LUZP2: variants seen among roughly 807,000 people sequenced by gnomAD.
LUZP2 encodes leucine zipper protein 2.
LUZP2 carries 52 observed loss-of-function variants against 51.6 expected under a neutral mutation model. The observed-to-expected ratio is 1.01, with a 90% CI of 0.81 to 1.27. The LOEUF is 1.27. LUZP2 is among the 50% of genes most tolerant of loss of function. The pLI is 0.00. For missense variants in LUZP2, 436 were observed against 395.4 expected (o/e 1.10, Z -0.87); for synonymous variants, 154 against 137.3 (o/e 1.12, Z -0.85).
intron 7 of LUZP2, among the ~76,000 whole-genome samples, chr11:24,964,292 G>A (rs192933844): frequency 1.3e-3 from 200 of 152,224 alleles, no homozygotes; most frequent in African/African-American, 4.7e-3. Context: ...GGTGGTGATT[G>A]TTTTATATAA....
At chr11:24,565,013 T>C (rs1852168389) in intron 1 of LUZP2, among the ~76,000 whole-genome samples, 1 of 151,946 alleles carries the variant, frequency 6.6e-6, no homozygotes, top group Non-Finnish European at 1.5e-5. Context: ...AGGCATGGAG[T>C]AATTAATGGG....
chr11:24,724,651 C>T (rs1026047211), intron 1 of LUZP2, among the ~76,000 whole-genome samples: 2 of 152,162 alleles, frequency 1.3e-5, no homozygotes, highest in African/African-American at 4.8e-5. Flanking sequence ...CTCTATTCGA[C>T]ATTGTTTTGA....
chr11:24,814,236 A>G (rs1850106387), intron 5 of LUZP2, among the ~76,000 whole-genome samples: 1 of 152,184 alleles, frequency 6.6e-6, no homozygotes. Flanking sequence ...GAAGTTGTTT[A>G]TGTGTCTGCC....
intron 9 of LUZP2, among the ~76,000 whole-genome samples, chr11:24,990,197 A>T (rs1045630668): frequency 2.0e-5 from 3 of 152,130 alleles, no homozygotes; most frequent in East Asian, 1.9e-4. Context: ...GAGGTAGTTC[A>T]GGTTGCTTAT....
chr11:24,562,697 T>TATA (rs1167556138), intron 1 of LUZP2, among the ~76,000 whole-genome samples: 8 of 76,398 alleles, frequency 1.0e-4, no homozygotes, highest in African/African-American at 4.4e-4. Flanking sequence ...ACTGAAAAAA[T>TATA]ACAAAAAAAA....
At chr11:24,825,656 T>C (rs1850502733) in intron 5 of LUZP2, among the ~76,000 whole-genome samples, 1 of 152,156 alleles carries the variant, frequency 6.6e-6, no homozygotes, top group Admixed American at 6.5e-5. Context: ...ACTATAAATT[T>C]GTCTTGGGTG....
intron 1 of LUZP2, among the ~76,000 whole-genome samples, chr11:24,662,888 A>C (rs1856067290): frequency 6.6e-6 from 1 of 151,334 alleles, no homozygotes; most frequent in African/African-American, 2.5e-5. Flanking sequence ...GAAATTCTAA[A>C]TCCACATCAA....
chr11:24,588,703 G>A (rs1853157551), intron 1 of LUZP2, among the ~76,000 whole-genome samples: 1 of 151,986 alleles, frequency 6.6e-6, no homozygotes, highest in South Asian at 2.1e-4. Flanking sequence ...GCTTCTTTGT[G>A]TTGAGCATTT....
chr11:24,897,269 T>TG (rs767085186), intron 5 of LUZP2, among the ~76,000 whole-genome samples: 4 of 152,070 alleles, frequency 2.6e-5, no homozygotes, highest in South Asian at 2.1e-4. Context: ...AGGATGCAGG[T>TG]GGGGTCAGAA....
chr11:25,011,513 G>A (rs1435137042), intron 9 of LUZP2, among the ~76,000 whole-genome samples: 1 of 152,078 alleles, frequency 6.6e-6, no homozygotes, highest in Non-Finnish European at 1.5e-5. Flanking sequence ...AGACTACAGT[G>A]AATAGAAAAG....
intron 1 of LUZP2, among the ~76,000 whole-genome samples, chr11:24,612,866 A>G (rs959134866): frequency 3.9e-5 from 6 of 152,074 alleles, no homozygotes; most frequent in African/African-American, 1.2e-4. Flanking sequence ...AGGGAGGTGC[A>G]TCTTTTCCTT....
At chr11:24,957,922 C>A (rs1855257641) in intron 7 of LUZP2, among the ~76,000 whole-genome samples, 2 of 152,128 alleles carry the variant, frequency 1.3e-5, no homozygotes, top group Non-Finnish European at 1.5e-5. Flanking sequence ...CCACAACAGT[C>A]CCCAGAGTGT....
chr11:25,025,821 C>G (rs1857473964), intron 9 of LUZP2, among the ~76,000 whole-genome samples: 1 of 152,156 alleles, frequency 6.6e-6, no homozygotes, highest in Non-Finnish European at 1.5e-5. Flanking sequence ...ATAAATCATG[C>G]TGCTATAAAG....
intron 4 of LUZP2, among the ~76,000 whole-genome samples, chr11:24,758,837 A>C (rs1405720541): frequency 6.6e-6 from 1 of 152,102 alleles, no homozygotes; most frequent in Admixed American, 6.6e-5. Context: ...GTAAGTCTAT[A>C]GTAAAATGCT....
Position 24,729,160 on chromosome 11 carries a change from C to T in LUZP2, c.63-9C>T, listed in dbSNP as rs1246813351. The T allele has an allele frequency of 5.5e-6, 8 of 1,451,054 alleles. No individual in the cohort carries two copies. The highest frequency in any genetic ancestry group is 7.4e-6 in the Non-Finnish European group (8 of 1,076,136). 89.9% of individuals were successfully genotyped at this position (1,451,054 alleles called of 1,614,324 possible). A position where few individuals can be genotyped will look rare whatever the true frequency, so the allele number is the denominator to read the frequency against. On this transcript the variant is annotated splice_polypyrimidine_tract_variant and intron_variant, in intron 1 of 11. Coordinates refer to ENST00000336930, the MANE Select transcript of LUZP2 (RefSeq NM_001009909.4). ...TGGGGGGCTCTCATGCCTGTTCTTT[C>T]TGTGTTAGACAGGACTATGAAGAGC... is the stretch of plus-strand genomic sequence containing the variant.
At chr11:24,983,859 A>G (rs1270209746) in intron 9 of LUZP2, among the ~76,000 whole-genome samples, 1 of 147,978 alleles carries the variant, frequency 6.8e-6, no homozygotes, top group Non-Finnish European at 1.5e-5. Context: ...GTAATTTTTC[A>G]AAGTCCCAGG....
chr11:24,527,020 T>G (rs1850828745), intron 1 of LUZP2, among the ~76,000 whole-genome samples: 1 of 151,316 alleles, frequency 6.6e-6, no homozygotes, highest in Non-Finnish European at 1.5e-5. Context: ...GGAATCCAAT[T>G]TTGATGCTTT....
chr11:24,520,899 C>T (rs1016433396), intron 1 of LUZP2, among the ~76,000 whole-genome samples: 9 of 152,304 alleles, frequency 5.9e-5, no homozygotes, highest in Non-Finnish European at 8.8e-5. Context: ...TCCAGGGTTG[C>T]AGACAAGTCA....
At chr11:24,583,450 C>T (rs1352568129) in intron 1 of LUZP2, among the ~76,000 whole-genome samples, 1 of 152,178 alleles carries the variant, frequency 6.6e-6, no homozygotes, top group East Asian at 1.9e-4. Flanking sequence ...ACTGGGAGGT[C>T]GCTGGGTTGT....
Sources: allele counts gnomAD v4.1 joint callset (sites outside exome capture counted in the v4.1 genomes callset), GRCh38; gene constraint gnomAD v4.1.1; transcripts MANE v1.5; gene names NCBI Gene and HGNC (gene_info 2026-07-23, HGNC 2026-07-21).